Variants in CDH8 observed in about 807,000 individuals in gnomAD.
The protein encoded by CDH8 is cadherin 8, also known as cadherin-8.
Under a neutral mutation model 68.1 loss-of-function variants are expected in CDH8, and 17 were observed. The observed-to-expected ratio is 0.25, with a 90% CI of 0.17 to 0.37. The LOEUF (loss-of-function observed/expected upper bound fraction) is 0.37. Ranked by LOEUF, CDH8 falls within the 10% of genes least tolerant of loss-of-function variation. The pLI, the probability that CDH8 is intolerant of heterozygous loss-of-function variation, is 1.00. For synonymous variants in CDH8, 372 were observed against 365.1 expected (o/e 1.02, Z -0.21); for missense variants, 763 against 999.3 (o/e 0.76, Z 3.19).
intron 3 of CDH8, among the ~76,000 whole-genome samples, chr16:61,888,160 G>A (rs896053481): frequency 3.9e-5 from 6 of 152,088 alleles, no homozygotes; most frequent in Admixed American, 1.3e-4. Context: ...CAGCTCCTCC[G>A]GCTTCTTAGG....
At chr16:61,762,958 T>C (rs1960505941) in intron 8 of CDH8, among the ~76,000 whole-genome samples, 1 of 152,098 alleles carries the variant, frequency 6.6e-6, no homozygotes, top group African/African-American at 2.4e-5. Context: ...GCTGAACAAC[T>C]ATTATATGCA....
At chr16:61,779,904 A>T (rs1961003000) in intron 8 of CDH8, among the ~76,000 whole-genome samples, 1 of 152,192 alleles carries the variant, frequency 6.6e-6, no homozygotes, top group African/African-American at 2.4e-5. Context: ...ATTGAGCAAG[A>T]AGATAAAGAG....
At chr16:61,885,904 AT>A (rs1455968659) in intron 3 of CDH8, among the ~76,000 whole-genome samples, 1 of 152,180 alleles carries the variant, frequency 6.6e-6, no homozygotes, top group African/African-American at 2.4e-5. Context: ...TCTTACATCC[AT>A]TAATAGGATC....
At chr16:61,924,469 A>G (rs954018308) in intron 2 of CDH8, among the ~76,000 whole-genome samples, 3 of 152,170 alleles carry the variant, frequency 2.0e-5, no homozygotes, top group Admixed American at 6.6e-5. Flanking sequence ...ACACAGGTAC[A>G]TGGGATATTT....
chr16:61,651,559 G>A lies in CDH8; in HGVS notation c.*2049C>T, dbSNP rs992923250. ...TCTTAGCAGCCCCGCACCAATGACT[G>A]AGATGACAGAGGACCACAGCCTGAC... is the stretch of plus-strand genomic sequence containing the variant. On this transcript the variant is annotated 3_prime_UTR_variant, in exon 12 of 12. Coordinates refer to ENST00000577390, the MANE Select transcript of CDH8 (RefSeq NM_001796.5). 4.6e-5 allele frequency: 7 copies of A among 152,184 alleles called. No homozygotes were observed. The highest frequency in any genetic ancestry group is 1.7e-4 in the African/African-American group (7 of 41,436). 9.4% of individuals were successfully genotyped at this position (152,184 alleles called of 1,614,324 possible).
intron 2 of CDH8, among the ~76,000 whole-genome samples, chr16:61,926,727 T>A (rs1013427895): frequency 6.6e-6 from 1 of 152,162 alleles, no homozygotes; most frequent in African/African-American, 2.4e-5. Context: ...CTTTTGTGAG[T>A]CTACATGAGT....
chr16:61,775,798 A>G (rs888388299), intron 8 of CDH8, among the ~76,000 whole-genome samples: 1 of 152,094 alleles, frequency 6.6e-6, no homozygotes, highest in Non-Finnish European at 1.5e-5. Flanking sequence ...GGTCCCATAT[A>G]AGCCATCAGC....
At chr16:61,659,030 G>A (rs1169906692) in intron 10 of CDH8, among the ~76,000 whole-genome samples, 1 of 151,928 alleles carries the variant, frequency 6.6e-6, no homozygotes, top group Non-Finnish European at 1.5e-5. Flanking sequence ...CACTGCTGCT[G>A]GTATATAAAA....
At chr16:61,665,765 T>TTCCTTCCC in intron 10 of CDH8, among the ~76,000 whole-genome samples, 1 of 74,704 alleles carries the variant, frequency 1.3e-5, no homozygotes, top group Non-Finnish European at 2.8e-5. Flanking sequence ...CCTTCCTTCC[T>TTCCTTCCC]TCCTTCCTTC....
chr16:61,667,759 T>C (rs1158012300), intron 10 of CDH8: 1 of 152,044 alleles, frequency 6.6e-6, no homozygotes, highest in Non-Finnish European at 1.5e-5. Context: ...TAAGAAAATC[T>C]GATTACATAT....
At chr16:61,872,561 G>T (rs1963388500) in intron 3 of CDH8, among the ~76,000 whole-genome samples, 2 of 152,202 alleles carry the variant, frequency 1.3e-5, no homozygotes, top group Non-Finnish European at 2.9e-5. Flanking sequence ...TCATGCAGAT[G>T]AAGCTTCCAG....
chr16:61,804,761 TAAACCAGGAA>T (rs1470999539), intron 7 of CDH8, among the ~76,000 whole-genome samples: 4 of 142,530 alleles, frequency 2.8e-5, no homozygotes, highest in Admixed American at 7.4e-5. Flanking sequence ...CTCCCAAGAC[TAAACCAGGAA>T]GAAGTTGAAT....
chr16:61,677,859 A>C (rs1428688907), intron 10 of CDH8, among the ~76,000 whole-genome samples: 1 of 152,004 alleles, frequency 6.6e-6, no homozygotes, highest in East Asian at 1.9e-4. Context: ...AGGAAGGGTC[A>C]GACATGCCTC....
chr16:61,850,973 C>CACCT (rs1448430200), intron 4 of CDH8, among the ~76,000 whole-genome samples: 10 of 151,964 alleles, frequency 6.6e-5, no homozygotes, highest in African/African-American at 2.2e-4. Context: ...AAGACATTCC[C>CACCT]ACCTATAAAT....
At chr16:61,896,038 G>A (rs746752108) in intron 3 of CDH8, among the ~76,000 whole-genome samples, 25 of 151,346 alleles carry the variant, frequency 1.7e-4, no homozygotes, top group South Asian at 8.3e-4. Flanking sequence ...CAGGTTTAGC[G>A]AACAATCAGG....
At chr16:61,929,988 C>T (rs980465867) in intron 2 of CDH8, among the ~76,000 whole-genome samples, 4 of 152,054 alleles carry the variant, frequency 2.6e-5, no homozygotes, top group African/African-American at 7.2e-5. Flanking sequence ...AGTCATAAGT[C>T]AGTTTAACAT....
intron 2 of CDH8, among the ~76,000 whole-genome samples, chr16:61,967,540 G>C (rs547287607): frequency 1.4e-3 from 209 of 152,264 alleles, no homozygotes; most frequent in Non-Finnish European, 2.3e-3. Context: ...CTTGGGGATG[G>C]AAACAAAGTC....
At chr16:61,727,631 C>G (rs1011381305) in intron 8 of CDH8, among the ~76,000 whole-genome samples, 1 of 150,934 alleles carries the variant, frequency 6.6e-6, no homozygotes, top group African/African-American at 2.4e-5. Context: ...GAGATGAACA[C>G]TTAAAACCTA....
chr16:61,879,205 A>G (rs747096020), intron 3 of CDH8, among the ~76,000 whole-genome samples: 5 of 152,230 alleles, frequency 3.3e-5, no homozygotes, highest in African/African-American at 7.2e-5. Flanking sequence ...AAATTTACTT[A>G]TATTGAATCA....
Sources: allele counts gnomAD v4.1 joint callset (sites outside exome capture counted in the v4.1 genomes callset), GRCh38; gene constraint gnomAD v4.1.1; transcripts MANE v1.5; gene names NCBI Gene and HGNC (gene_info 2026-07-23, HGNC 2026-07-21).